The following POFUT2 variants were observed in gnomAD, a reference collection of about 807,000 sequenced individuals.
POFUT2 encodes the protein protein O-fucosyltransferase 2.
Under a neutral mutation model 55.0 loss-of-function variants are expected in POFUT2, and 30 were observed. The ratio of observed to expected loss-of-function variants is 0.55; its 90% CI spans 0.41 to 0.74. The LOEUF is 0.74. Ranked by LOEUF, POFUT2 falls within the 30% of genes least tolerant of loss-of-function variation. POFUT2 has a pLI of 0.00. For synonymous variants in POFUT2, 267 were observed against 231.1 expected (o/e 1.16, Z -1.41); for missense variants, 524 against 562.6 (o/e 0.93, Z 0.69).
intron 2 of POFUT2, among the ~76,000 whole-genome samples, chr21:45,283,916 C>G (rs1351997775): frequency 2.6e-5 from 4 of 152,204 alleles, no homozygotes; most frequent in Non-Finnish European, 4.4e-5. Flanking sequence ...TGTCCCCTAC[C>G]CCCCTGGTTT....
At chr21:45,278,257 G>T in intron 4 of POFUT2, 88 bp from the exon 5 acceptor site, 1 of 1,171,838 alleles carries the variant, frequency 8.5e-7, no homozygotes, top group Non-Finnish European at 1.3e-6. Flanking sequence ...GGAGAACCCC[G>T]GGCCGAGGAA....
Position 45,267,967 on chromosome 21 carries a change from GCTCCCTCTCCCTCTCCTT to G in POFUT2, c.1013-272_1013-255del, listed in dbSNP as rs1231341931. 2.6e-5 allele frequency among the ~76,000 whole-genome samples: 4 copies of G among 151,954 alleles called. No individual in the cohort carries two copies. The highest frequency in any genetic ancestry group is 4.2e-4 in the South Asian group (2 of 4,814). On this transcript the variant is annotated intron_variant, in intron 7 of 8. Transcript: ENST00000349485. This position sits in a 1 kb window ranked among gnomAD's most constrained non-coding sequence, Gnocchi z 4.4. ...GATCAAGAAGAAAGGAAAGAAACGT[GCTCCCTCTCCCTCTCCTT>G]CTCCCTCTCCCTCTCCCCACGGTCT...
rs1055363133 is a variant in POFUT2, at chr21:45,267,081, C to T, written c.1136+509G>A. On this transcript the variant is annotated intron_variant, in intron 8 of 8. Coordinates refer to ENST00000349485, the MANE Select transcript of POFUT2 (RefSeq NM_133635.6). This position sits in a 1 kb window ranked among gnomAD's most constrained non-coding sequence, Gnocchi z 4.4. ...GGGCCCACGCTCCCGGCCTCGGGGA[C>T]GCTCACGGCAGCCCCACAAGAACGA... The T allele has an allele frequency of 6.3e-6, 7 of 1,117,586 alleles. No individual in the cohort carries two copies. Among genetic ancestry groups the T allele is most frequent in the Non-Finnish European group, 4.4e-6 (4 of 909,544 alleles). The allele number at this position is 1,117,586 out of a possible 1,614,324, so 69.2% of individuals were successfully genotyped here.
At chr21:45,278,774 C>T (rs553795049) in intron 4 of POFUT2, among the ~76,000 whole-genome samples, 3 of 152,324 alleles carry the variant, frequency 2.0e-5, no homozygotes, top group South Asian at 2.1e-4. Context: ...ACGTGAGGAA[C>T]GTCCTGGGGT....
At position 45,264,019 on chromosome 21, in the gene POFUT2, T is replaced by C. The variant is rs1008612867; in HGVS notation, c.*1463A>G. 6.6e-6 allele frequency: 1 copy of C among 152,208 alleles called. No individual in the cohort carries two copies. The highest frequency in any genetic ancestry group is 2.4e-5 in the African/African-American group (1 of 41,422). 9.4% of individuals were successfully genotyped at this position (152,208 alleles called of 1,614,324 possible). ...TTTATACAGCTCTCAGCCTGGAAAA[T>C]GCAACTGATGAAAAAGGCACTGTTT... On this transcript the variant is annotated 3_prime_UTR_variant, in exon 9 of 9. Coordinates refer to ENST00000349485, the MANE Select transcript of POFUT2 (RefSeq NM_133635.6).
rs1166666630 is a variant in POFUT2, at chr21:45,267,692, A to G, written c.1034T>C (p.Leu345Pro). ...TTCAAACCTCACCATCTCGGGTAAC[A>G]GCTTTTTTAGCTCTTCATATTCTGC... is the stretch of plus-strand genomic sequence containing the variant. ...VRKEYEELKK[L>P]LPEMVRFEPT... Residue 345 changes from leucine (L) to proline (P), a missense_variant, in exon 8 of 9, where the codon CTG (leucine) becomes CCG (proline). Physicochemically the swap from Leu to Pro is moderately conservative, Grantham distance 98. Transcript: ENST00000349485. This position sits in a 1 kb window ranked among gnomAD's most constrained non-coding sequence, Gnocchi z 4.4. 2.5e-6 allele frequency: 4 copies of G among 1,614,066 alleles called. No homozygotes were observed. The highest frequency in any genetic ancestry group is 3.4e-6 in the Non-Finnish European group (4 of 1,179,974).
Position 45,281,787 on chromosome 21 carries a change from C to T in POFUT2, c.638+562G>A, listed in dbSNP as rs2030672857. On this transcript the variant is annotated intron_variant, in intron 4 of 8. Transcript: ENST00000349485. This position sits in a 1 kb window ranked among gnomAD's most constrained non-coding sequence, Gnocchi z 5.0. ...CCCAGTCTGCAGCAAGTTCTAAGAACGTGGCCATCAACAATTCCCTCCAGA... is the reference window on the plus strand; with the variant it reads ...CCCAGTCTGCAGCAAGTTCTAAGAATGTGGCCATCAACAATTCCCTCCAGA... 1.3e-5 allele frequency among the ~76,000 whole-genome samples: 2 copies of T among 152,024 alleles called. No homozygotes were observed. The highest frequency in any genetic ancestry group is 6.5e-5 in the Admixed American group (1 of 15,268).
In POFUT2 at chr21:45,265,335, C is replaced by T. The variant is rs567886168; in HGVS notation, c.*147G>A. ...CGAGGACGGAGCCCAGCTCTAGAGGCGTGGGGCCTCTTCTGGGCCTGGGAC... is the reference window on the plus strand; with the variant it reads ...CGAGGACGGAGCCCAGCTCTAGAGGTGTGGGGCCTCTTCTGGGCCTGGGAC... On this transcript the variant is annotated 3_prime_UTR_variant, in exon 9 of 9. Coordinates refer to ENST00000349485, the MANE Select transcript of POFUT2 (RefSeq NM_133635.6). The surrounding 1 kb of genome is among the most constrained non-coding windows in gnomAD (Gnocchi z 4.6). 1.1e-5 allele frequency: 7 copies of T among 637,228 alleles called. No homozygotes were observed. Among genetic ancestry groups the T allele is most frequent in the African/African-American group, 3.7e-5 (2 of 53,912 alleles). The allele number at this position is 637,228 out of a possible 1,614,324, so 39.5% of individuals were successfully genotyped here.
At chr21:45,278,454 A>G (rs541870512) in intron 4 of POFUT2, among the ~76,000 whole-genome samples, 2 of 152,370 alleles carry the variant, frequency 1.3e-5, no homozygotes, top group East Asian at 3.9e-4. Context: ...ACAGTGGGCA[A>G]AAGGCTTGGA....
chr21:45,283,711 C>T (rs1447659843), intron 2 of POFUT2, among the ~76,000 whole-genome samples, 184 bp from the exon 3 acceptor site: 2 of 152,082 alleles, frequency 1.3e-5, no homozygotes, highest in Non-Finnish European at 2.9e-5. Flanking sequence ...GGGCCATCAG[C>T]GTGCAACTGC....
In POFUT2 at chr21:45,265,888, C is replaced by T. The variant is rs1027198528; in HGVS notation, c.1137-253G>A. On this transcript the variant is annotated intron_variant, in intron 8 of 8. Transcript: ENST00000349485. The surrounding 1 kb of genome is among the most constrained non-coding windows in gnomAD (Gnocchi z 4.6). The stretch of plus-strand genomic sequence containing the variant: ...CCATCCACACCCCACAGTCAGCAGC[C>T]GCCACGCTCCTGTCCCACCGCATGT... 15 of 1,341,534 alleles carry T rather than the reference C, an allele frequency of 1.1e-5. No homozygotes were observed. The highest frequency in any genetic ancestry group is 9.2e-5 in the East Asian group (3 of 32,552). 83.1% of individuals were successfully genotyped at this position (1,341,534 alleles called of 1,614,324 possible). A position where few individuals can be genotyped will look rare whatever the true frequency, so the allele number is the denominator to read the frequency against.
intron 6 of POFUT2, among the ~76,000 whole-genome samples, chr21:45,275,013 T>C (rs1018803008): frequency 2.0e-5 from 3 of 152,154 alleles, no homozygotes; most frequent in African/African-American, 7.2e-5. Context: ...GAGGAAATAC[T>C]TGCACACTTT....
intron 1 of POFUT2, 60 bp downstream of exon 1, chr21:45,287,681 C>CAACACAG: frequency 3.8e-6 from 5 of 1,322,458 alleles, no homozygotes; most frequent in Non-Finnish European, 4.9e-6. Context: ...GCCCCCATCC[C>CAACACAG]ATCCTCTGAC....
chr21:45,280,697 C>T (rs2030526321), intron 4 of POFUT2, among the ~76,000 whole-genome samples: 1 of 147,470 alleles, frequency 6.8e-6, no homozygotes. Flanking sequence ...CGCTGAGTTT[C>T]GTCTCAATTG....
rs754357166 is a variant in POFUT2, at chr21:45,278,170, C to G, written c.639-1G>C. The G allele has an allele frequency of 1.9e-6, 3 of 1,610,802 alleles. No homozygotes were observed. The highest frequency in any genetic ancestry group is 2.5e-6 in the Non-Finnish European group (3 of 1,177,022). On this transcript the variant is annotated splice_acceptor_variant, in intron 4 of 8. Transcript: ENST00000349485. LOFTEE classifies it high-confidence loss of function. ...CTCGGCTCTGTCTAACATCACGGAC[C>G]TGTTTTTAAACAACAGAAGAATAAA...
At position 45,267,828 on chromosome 21, in the gene POFUT2, G is replaced by A. The variant is rs1326882795; in HGVS notation, c.1013-115C>T. ...CTTCTGGTTAATTCGTTAGGAACTG[G>A]CTCCAAAGGTGCAGACACACAACTC... On this transcript the variant is annotated intron_variant, in intron 7 of 8. Coordinates refer to ENST00000349485, the MANE Select transcript of POFUT2 (RefSeq NM_133635.6). This position sits in a 1 kb window ranked among gnomAD's most constrained non-coding sequence, Gnocchi z 4.4. The A allele has an allele frequency of 5.4e-5, 48 of 882,562 alleles. No homozygotes were observed. In the East Asian group the frequency reaches 1.2e-3, roughly 21 times the overall value. The allele number at this position is 882,562 out of a possible 1,614,324, so 54.7% of individuals were successfully genotyped here.
chr21:45,275,303 A>C (rs529397553), intron 6 of POFUT2, among the ~76,000 whole-genome samples: 2 of 152,250 alleles, frequency 1.3e-5, no homozygotes, highest in Non-Finnish European at 2.9e-5. Flanking sequence ...TGAAAGGGAT[A>C]CTGCGACACT....
intron 8 of POFUT2, chr21:45,266,766 C>A: frequency 1.0e-6 from 1 of 997,164 alleles, no homozygotes; most frequent in Non-Finnish European, 1.2e-6. Context: ...GCTCAGGGCG[C>A]TCAGCATTCC....
chr21:45,273,079 T>A (rs1303248425), intron 6 of POFUT2, among the ~76,000 whole-genome samples: 1 of 150,054 alleles, frequency 6.7e-6, no homozygotes, highest in African/African-American at 2.5e-5. Flanking sequence ...GACAAAAAAA[T>A]ACAAAAGTTA....
Sources: allele counts gnomAD v4.1 joint callset (sites outside exome capture counted in the v4.1 genomes callset), GRCh38; gene constraint gnomAD v4.1.1; non-coding constraint Gnocchi (gnomAD v3.1); transcripts MANE v1.5; gene names NCBI Gene and HGNC (gene_info 2026-07-23, HGNC 2026-07-21).